The following DIAPH2 variants were observed in gnomAD, a reference collection of about 807,000 sequenced individuals.
DIAPH2 encodes protein diaphanous homolog 2.
DIAPH2 carries 35 observed loss-of-function variants against 92.7 expected under a neutral mutation model. That is an observed-to-expected ratio of 0.38 (90% CI 0.29 to 0.50). The LOEUF is 0.50. DIAPH2 is among the 20% of genes least tolerant of loss of function. The pLI is 0.94. For synonymous variants in DIAPH2, 301 were observed against 280.4 expected, an observed-to-expected ratio of 1.07 and a Z score of -0.73; for missense variants, 701 against 819.5, an observed-to-expected ratio of 0.86 and a Z score of 1.77.
chrX:96,829,738 G>A (rs2064839041), intron 4 of DIAPH2, among the ~76,000 whole-genome samples: 1 of 111,043 alleles, frequency 9.0e-6, no homozygotes, highest in South Asian at 3.8e-4. Flanking sequence ...CAGGCCATCC[G>A]CCTGCCTTGG....
intron 22 of DIAPH2, among the ~76,000 whole-genome samples, chrX:97,170,944 T>A (rs2067448735): frequency 9.0e-6 from 1 of 110,821 alleles, no homozygotes; most frequent in African/African-American, 3.3e-5. Flanking sequence ...TGGTGCGATC[T>A]TAGCTCACTG....
intron 23 of DIAPH2, among the ~76,000 whole-genome samples, chrX:97,289,850 G>T (rs368537957): frequency 2.5e-4 from 27 of 109,292 alleles, no homozygotes; most frequent in East Asian, 8.5e-4. Context: ...TCAGCCTCCC[G>T]AGTAGCTGGG....
At chrX:97,338,432 T>A (rs1026831195) in intron 23 of DIAPH2, among the ~76,000 whole-genome samples, 2 of 112,009 alleles carry the variant, frequency 1.8e-5, no homozygotes, top group African/African-American at 6.5e-5. Context: ...AATGGAAAAA[T>A]TCATGTTTTG....
At chrX:97,488,754 C>T (rs1602623300) in intron 26 of DIAPH2, among the ~76,000 whole-genome samples, 1 of 112,138 alleles carries the variant, frequency 8.9e-6, no homozygotes, top group Non-Finnish European at 1.9e-5. Flanking sequence ...GATCAGTTGA[C>T]CATATATGCA....
chrX:97,404,372 T>TGTGTAGAAAAGTTTTACCC (rs2069788299), intron 25 of DIAPH2, among the ~76,000 whole-genome samples: 1 of 112,214 alleles, frequency 8.9e-6, no homozygotes, highest in Non-Finnish European at 1.9e-5. Context: ...CTACCCAGTA[T>TGTGTAGAAAAGTTTTACCC]AGTCCACTGT....
At chrX:97,312,119 T>A (rs1240226275) in intron 23 of DIAPH2, among the ~76,000 whole-genome samples, 1 of 109,809 alleles carries the variant, frequency 9.1e-6, no homozygotes, top group African/African-American at 3.3e-5. Context: ...TGAGCCACCA[T>A]GCCGGCCTAT....
intron 16 of DIAPH2, among the ~76,000 whole-genome samples, chrX:96,959,141 A>T (rs926283675): frequency 1.8e-5 from 2 of 111,413 alleles, no homozygotes; most frequent in Admixed American, 1.9e-4. Flanking sequence ...TTGTATGGTA[A>T]TCCTGTTATT....
At chrX:97,409,814 G>C (rs2069849525) in intron 25 of DIAPH2, among the ~76,000 whole-genome samples, 1 of 112,782 alleles carries the variant, frequency 8.9e-6, no homozygotes, top group Admixed American at 9.3e-5. Context: ...CAGCCTGGCA[G>C]GGGGTGAGGT....
chrX:97,190,175 C>A (rs918594911), intron 22 of DIAPH2, among the ~76,000 whole-genome samples: 1 of 112,820 alleles, frequency 8.9e-6, no homozygotes, highest in Non-Finnish European at 1.9e-5. Flanking sequence ...GAATTCATGG[C>A]ATTGGTAGCC....
chrX:97,312,319 T>C (rs1011848489), intron 23 of DIAPH2, among the ~76,000 whole-genome samples: 2 of 106,691 alleles, frequency 1.9e-5, no homozygotes, highest in African/African-American at 3.4e-5. Flanking sequence ...ATTGCCAATA[T>C]TTGATCACTT....
At chrX:97,463,418 G>A (rs747595168) in intron 26 of DIAPH2, among the ~76,000 whole-genome samples, 3 of 108,867 alleles carry the variant, frequency 2.8e-5, no homozygotes, top group East Asian at 2.9e-4. Context: ...TTGAGACTGA[G>A]TCTCACTCTG....
At chrX:97,058,721 A>G (rs900372168) in intron 17 of DIAPH2, among the ~76,000 whole-genome samples, 5 of 110,557 alleles carry the variant, frequency 4.5e-5, no homozygotes, top group African/African-American at 1.6e-4. Context: ...TTTCACATTT[A>G]TATTCCTGTA....
chrX:97,171,126 G>A (rs1410005965), intron 22 of DIAPH2, among the ~76,000 whole-genome samples: 5 of 111,509 alleles, frequency 4.5e-5, no homozygotes, highest in African/African-American at 9.8e-5. Flanking sequence ...CACCCGCCTC[G>A]GCCTCCCAAA....
At chrX:96,891,070 T>C (rs979143672) in intron 5 of DIAPH2, among the ~76,000 whole-genome samples, 1 of 111,795 alleles carries the variant, frequency 8.9e-6, no homozygotes, top group African/African-American at 3.3e-5. Context: ...TAATGTGTGA[T>C]TTGATGTAGT....
rs746536131 is a variant in DIAPH2 at position 97,334,998 on chromosome X, C to CAAAAAAAAAAAAAAAAAA, written c.2845-13117_2845-13100dup. Among the ~76,000 whole-genome samples the CAAAAAAAAAAAAAAAAAA allele has an allele frequency of 2.9e-4, 9 of 31,439 alleles. 1 individual carries two copies. Among genetic ancestry groups the CAAAAAAAAAAAAAAAAAA allele is most frequent in the Non-Finnish European group, 3.7e-4 (6 of 16,395 alleles). The allele number at this position is 31,439 out of a possible 115,157, so 27.3% of individuals were successfully genotyped here. A position where few individuals can be genotyped will look rare whatever the true frequency, so the allele number is the denominator to read the frequency against. ...TTCGTCTCAAAAAACAAAAACAAAACAAAAAAAAAAAAAAAAAAGAGGAAG... is the reference window on the plus strand; with the variant it reads ...TTCGTCTCAAAAAACAAAAACAAAACAAAAAAAAAAAAAAAAAAAAAAAAAAAAAAAAAAAAGAGGAAG... On this transcript the variant is annotated intron_variant, in intron 23 of 26. Coordinates refer to ENST00000324765, the MANE Select transcript of DIAPH2 (RefSeq NM_006729.5).
chrX:97,237,026 T>C (rs937266622), intron 22 of DIAPH2, among the ~76,000 whole-genome samples: 4 of 111,973 alleles, frequency 3.6e-5, no homozygotes, highest in African/African-American at 1.3e-4. Flanking sequence ...CTTTTTGCAG[T>C]ACTATTTACT....
At chrX:96,837,433 C>CTCTCTCTCTCTG (rs1189132418) in intron 4 of DIAPH2, among the ~76,000 whole-genome samples, 3 of 41,345 alleles carry the variant, frequency 7.3e-5, no homozygotes, top group African/African-American at 1.8e-4. Context: ...CTCTCTCTCT[C>CTCTCTCTCTCTG]TGTGTGTGTG....
chrX:97,562,924 A>T (rs1251690441), intron 26 of DIAPH2, among the ~76,000 whole-genome samples: 1 of 112,168 alleles, frequency 8.9e-6, no homozygotes, highest in Non-Finnish European at 1.9e-5. Context: ...GGCAAAAATA[A>T]AAAGCCCTCA....
chrX:96,690,990 T>A (rs1422939272), intron 1 of DIAPH2, among the ~76,000 whole-genome samples: 2 of 112,239 alleles, frequency 1.8e-5, no homozygotes, highest in African/African-American at 6.5e-5. Context: ...CAATTTTTCT[T>A]CTTTTGTTCC....
Sources: allele counts gnomAD v4.1 joint callset (sites outside exome capture counted in the v4.1 genomes callset), GRCh38; gene constraint gnomAD v4.1.1; transcripts MANE v1.5; gene names NCBI Gene and HGNC (gene_info 2026-07-23, HGNC 2026-07-21).